The following AGTPBP1 variants were observed in gnomAD, a reference collection of about 807,000 sequenced individuals.
AGTPBP1 encodes ATP/GTP binding carboxypeptidase 1.
AGTPBP1 carries 70 observed loss-of-function variants against 143.9 expected under a neutral mutation model. That is an observed-to-expected ratio of 0.49 (90% CI 0.40 to 0.59). The LOEUF is 0.59. Among genes scored for constraint, AGTPBP1 ranks in the 20% least tolerant of loss-of-function variants. The pLI is 0.00. For missense variants in AGTPBP1, 1,229 were observed against 1,464.5 expected, an observed-to-expected ratio of 0.84 and a Z score of 2.62; for synonymous variants, 463 against 500.2, an observed-to-expected ratio of 0.93 and a Z score of 0.99.
intron 25 of AGTPBP1, among the ~76,000 whole-genome samples, chr9:85,572,688 G>A (rs1188715848): frequency 6.6e-6 from 1 of 152,160 alleles, no homozygotes; most frequent in South Asian, 2.1e-4. Context: ...TAAAGCACCA[G>A]TAACGGTCTG....
intron 25 of AGTPBP1, among the ~76,000 whole-genome samples, chr9:85,574,605 A>C (rs930313974): frequency 3.9e-5 from 6 of 152,198 alleles, no homozygotes; most frequent in African/African-American, 1.4e-4. Context: ...TTTCAAAGGA[A>C]TGCTAAATTA....
At chr9:85,632,181 C>T (rs1401492906) in intron 14 of AGTPBP1, among the ~76,000 whole-genome samples, 4 of 151,592 alleles carry the variant, frequency 2.6e-5, no homozygotes, top group Non-Finnish European at 5.9e-5. Flanking sequence ...AAGGGGTATC[C>T]CTCACTTCAA....
chr9:85,660,886 A>T, intron 9 of AGTPBP1, 50 bp downstream of exon 9: 2 of 1,297,734 alleles, frequency 1.5e-6, no homozygotes, highest in Non-Finnish European at 2.1e-6. Context: ...CATAATAAAT[A>T]GAATTCTCAG....
At chr9:85,571,723 A>G (rs551993549) in intron 25 of AGTPBP1, among the ~76,000 whole-genome samples, 67 of 152,350 alleles carry the variant, frequency 4.4e-4, no homozygotes, top group African/African-American at 1.5e-3. Context: ...AGAAGCACAC[A>G]GTATCCATGA....
rs780244687 is a variant in AGTPBP1 at position 85,677,511 on chromosome 9, C to T, written c.361G>A (p.Ala121Thr). The change falls in exon 6 of 26, where the codon GCC (alanine) becomes ACC (threonine). Residue 121 changes from alanine (A) to threonine (T), a missense_variant. Physicochemically the swap from Ala to Thr is moderately conservative, Grantham distance 58. Around this residue, in one of 2 missense-constraint regions of AGTPBP1, gnomAD observed 743 missense variants for 812.2 expected, o/e 0.91. Transcript: ENST00000357081. ...TCATGTGGGGGAGATTCTTTGCTGG[C>T]ATTCATAAGTAACTGCAACAATATT... ...SQILLQLLMN[A>T]SKESPPHEDL... is the part of the protein sequence containing the mutation. The T allele has an allele frequency of 6.2e-7, 1 of 1,602,846 alleles. No individual in the cohort carries two copies. The highest frequency in any genetic ancestry group is 1.7e-5 in the Admixed American group (1 of 58,692).
At chr9:85,735,539 G>A (rs1839189012) in intron 1 of AGTPBP1, among the ~76,000 whole-genome samples, 1 of 152,116 alleles carries the variant, frequency 6.6e-6, no homozygotes, top group South Asian at 2.1e-4. Context: ...TAAATTTTAT[G>A]TTATATATGT....
At chr9:85,578,361 G>A (rs966966455) in intron 24 of AGTPBP1, among the ~76,000 whole-genome samples, 17 of 152,228 alleles carry the variant, frequency 1.1e-4, no homozygotes, top group African/African-American at 3.6e-4. Flanking sequence ...CTGTAATCCC[G>A]GAACTTTGAG....
At chr9:85,671,763 T>C (rs1044116847) in intron 7 of AGTPBP1, among the ~76,000 whole-genome samples, 17 of 152,168 alleles carry the variant, frequency 1.1e-4, no homozygotes, top group African/African-American at 4.1e-4. Flanking sequence ...TTTATCTGAG[T>C]CTGTCTCTCT....
Position 85,633,096 on chromosome 9 carries a change from G to T in AGTPBP1, c.1581C>A (p.Asn527Lys). 1 of 1,614,100 alleles carries T rather than the reference G, an allele frequency of 6.2e-7. No homozygotes were observed. Among genetic ancestry groups the T allele is most frequent in the Non-Finnish European group, 8.5e-7 (1 of 1,179,986 alleles). Residue 527 changes from asparagine to lysine, a missense_variant, in exon 14 of 26, where the codon AAC becomes AAA. Asn to Lys is a moderately conservative substitution (Grantham distance 94). Around this residue, in one of 2 missense-constraint regions of AGTPBP1, gnomAD observed 743 missense variants for 812.2 expected, o/e 0.91. Coordinates refer to ENST00000357081, the MANE Select transcript of AGTPBP1 (RefSeq NM_001330701.2). The stretch of plus-strand genomic sequence containing the variant: ...GGTCCAAGGCCTTTACAATATCATT[G>T]TTTAAACCATGGACTGATGAAATAG... ...NRTISSVHGL[N>K]NDIVKALDRI...
At chr9:85,605,233 G>A (rs898899269) in intron 17 of AGTPBP1, among the ~76,000 whole-genome samples, 1 of 151,994 alleles carries the variant, frequency 6.6e-6, no homozygotes, top group African/African-American at 2.4e-5. Flanking sequence ...GATCCTAAAA[G>A]CAGCAAGAGA....
intron 8 of AGTPBP1, among the ~76,000 whole-genome samples, chr9:85,665,411 C>T (rs1203466217): frequency 2.0e-5 from 3 of 152,188 alleles, no homozygotes; most frequent in Non-Finnish European, 4.4e-5. Context: ...CATGGCCCTG[C>T]TGACAAGTTG....
intron 11 of AGTPBP1, among the ~76,000 whole-genome samples, chr9:85,650,282 C>A (rs1833078049): frequency 6.6e-6 from 1 of 151,996 alleles, no homozygotes; most frequent in Non-Finnish European, 1.5e-5. Flanking sequence ...TTGAACTGTG[C>A]AGGTTCGTTA....
intron 18 of AGTPBP1, among the ~76,000 whole-genome samples, chr9:85,593,699 C>G (rs1829116519): frequency 6.6e-6 from 1 of 152,066 alleles, no homozygotes; most frequent in Admixed American, 6.5e-5. Flanking sequence ...TATAGATAAA[C>G]AAAACTCACC....
chr9:85,723,047 C>T (rs926810418), intron 1 of AGTPBP1, among the ~76,000 whole-genome samples: 12 of 152,286 alleles, frequency 7.9e-5, no homozygotes, highest in African/African-American at 2.6e-4. Context: ...CCTCTGGAAG[C>T]TTCATCCCAG....
At chr9:85,766,993 C>G in the AGTPBP1 span, among the ~76,000 whole-genome samples, 15 of 148,392 alleles carry the variant, frequency 1.0e-4, no homozygotes, top group Admixed American at 9.4e-4. Context: ...CAATTTACTA[C>G]AGACAGGTCA....
chr9:85,572,002 GTGTTTTTTTTTTTTTTTTTTTTTT>G lies in AGTPBP1; in HGVS notation c.3503+3289_3503+3312del, dbSNP rs1174600271. On this transcript the variant is annotated intron_variant, in intron 25 of 25. Coordinates refer to ENST00000357081, the MANE Select transcript of AGTPBP1 (RefSeq NM_001330701.2). The stretch of plus-strand genomic sequence containing the variant: ...ATTGGCCATTATTAGTTGTTTGTGT[GTGTTTTTTTTTTTTTTTTTTTTTT>G]TTTTTTTTTTTTTTTTTTGAGGCAC... Among the ~76,000 whole-genome samples the G allele has an allele frequency of 1.2e-3, 101 of 85,308 alleles. 3 individuals are homozygous for G. The highest frequency in any genetic ancestry group is 4.2e-3 in the East Asian group (14 of 3,352). 56.0% of individuals were successfully genotyped at this position (85,308 alleles called of 152,430 possible).
chr9:85,725,466 T>C (rs978299302), intron 1 of AGTPBP1, among the ~76,000 whole-genome samples: 1 of 152,090 alleles, frequency 6.6e-6, no homozygotes, highest in Non-Finnish European at 1.5e-5. Flanking sequence ...TGGTGGTTGC[T>C]ACGCATAGGG....
intron 17 of AGTPBP1, among the ~76,000 whole-genome samples, chr9:85,614,567 A>G (rs1830499046): frequency 6.6e-6 from 1 of 152,108 alleles, no homozygotes. Context: ...ATTTAATCCA[A>G]TGGAAATTTT....
chr9:85,564,424 C>A (rs764049073), intron 25 of AGTPBP1, among the ~76,000 whole-genome samples: 4 of 152,204 alleles, frequency 2.6e-5, no homozygotes, highest in Non-Finnish European at 5.9e-5. Context: ...TGCCTCAGGA[C>A]AAATTATACC....
Sources: gnomAD v4.1 joint callset for allele counts (sites outside exome capture counted in the v4.1 genomes callset) on GRCh38, gnomAD v4.1.1 for gene constraint, gnomAD v4.1.1 regional missense constraint, MANE v1.5 for transcripts, NCBI Gene and HGNC (gene_info 2026-07-23, HGNC 2026-07-21) for gene names.